The following VWDE variants were observed in gnomAD, a reference collection of about 807,000 sequenced individuals.
VWDE encodes von Willebrand factor D and EGF domain-containing protein.
In VWDE, 207 loss-of-function variants were observed where a neutral mutation model predicts 178.4. The observed-to-expected ratio is 1.16, with a 90% CI of 1.04 to 1.30. The LOEUF (loss-of-function observed/expected upper bound fraction) is 1.30, where lower values mean the gene tolerates loss of function less well. Ranked by LOEUF, VWDE falls within the 50% of genes most tolerant of loss-of-function variation. VWDE has a pLI of 0.00. For synonymous variants in VWDE, 738 were observed against 651.4 expected, an observed-to-expected ratio of 1.13 and a Z score of -2.02; for missense variants, 2,287 against 1,901.3, an observed-to-expected ratio of 1.20 and a Z score of -3.77.
At chr7:12,359,104 A>G (rs1782432504) in intron 16 of VWDE, among the ~76,000 whole-genome samples, 1 of 152,208 alleles carries the variant, frequency 6.6e-6, no homozygotes, top group African/African-American at 2.4e-5. Context: ...TATTTATGAA[A>G]GTGAGGAAGT....
intron 8 of VWDE, 50 bp downstream of exon 8, chr7:12,374,960 C>T (rs1443977519): frequency 6.7e-7 from 1 of 1,493,212 alleles, no homozygotes; most frequent in African/African-American, 1.4e-5. Context: ...ATAAAATACA[C>T]ATTTCTTCTT....
In VWDE at chr7:12,369,921, C is replaced by T. The variant is rs775899679; in HGVS notation, c.2385G>A (p.Trp795Ter). The T allele has an allele frequency of 6.4e-7, 1 of 1,551,396 alleles. No homozygotes were observed. The highest frequency in any genetic ancestry group is 8.7e-7 in the Non-Finnish European group (1 of 1,146,870). ...ACTCGGTGAGGCCAGAGGGAGTGGG[C>T]CAAGAGGGGAAAAACTCTTGCTGTA... ...EDVQQEFFPS[W>*]PTPSGLTEYS... Residue 795 changes from tryptophan to a stop codon, truncating the protein, a stop_gained, in exon 12 of 29, where the codon TGG becomes TGA. Transcript: ENST00000275358. LOFTEE classifies it high-confidence loss of function.
Position 12,370,051 on chromosome 7 carries a change from C to T in VWDE, c.2255G>A (p.Arg752Gln), listed in dbSNP as rs748316826. Residue 752 changes from arginine to glutamine, a missense_variant, in exon 12 of 29, where the codon CGG becomes CAG. Arg to Gln is a conservative substitution (Grantham distance 43). Transcript: ENST00000275358. ...AGGAGGAAACTCATGAAAGTTCTGC[C>T]GTTTCCATCTGTTTTGTCGATTGTA... Reference protein sequence around the residue: ...MRYNRQNRWKRQNFHEFPPLF... With the variant: ...MRYNRQNRWKQQNFHEFPPLF... The T allele has an allele frequency of 2.6e-5, 40 of 1,551,482 alleles. No individual in the cohort carries two copies. The East Asian group carries it at 6.8e-4, about 27-fold the overall frequency.
intron 7 of VWDE, 74 bp downstream of exon 7, chr7:12,377,702 G>T (rs1003774204): frequency 7.4e-5 from 74 of 1,000,338 alleles, no homozygotes; most frequent in Admixed American, 1.5e-4. Context: ...ACACTCCAGT[G>T]ACTTTTCCTA....
intron 6 of VWDE, among the ~76,000 whole-genome samples, chr7:12,378,224 GAAGA>G (rs1395534747): frequency 6.6e-6 from 1 of 152,146 alleles, no homozygotes; most frequent in Non-Finnish European, 1.5e-5. Context: ...GGAAAGCGAA[GAAGA>G]AAGAAATATT....
At position 12,337,272 on chromosome 7, in the gene VWDE, G is replaced by C. The variant is rs1383784257; in HGVS notation, c.4367C>G (p.Ala1456Gly). The C allele has an allele frequency of 1.3e-6, 2 of 1,551,604 alleles. No individual in the cohort carries two copies. Among genetic ancestry groups the C allele is most frequent in the Non-Finnish European group, 1.7e-6 (2 of 1,146,818 alleles). The part of the protein sequence containing the change: ...NGFFGEHCQN[A>G]FCHPPCKNGG... ...ATTCTTACAGGGAGGGTGACAGAAA[G>C]CTAAAAGAACACATGGCAGCAATCT... Residue 1456 changes from alanine to glycine, a missense_variant and splice_region_variant, in exon 25 of 29, where the codon GCT becomes GGT. Coordinates refer to ENST00000275358, the MANE Select transcript of VWDE (RefSeq NM_001135924.3).
In VWDE at chr7:12,344,183, T is replaced by TTATCAAATA. The variant is rs1781476247; in HGVS notation, c.4078+11_4078+12insTATTTGATA. On this transcript the variant is annotated intron_variant, in intron 21 of 28. Transcript: ENST00000275358. ...TTAGGCCTTATATTTGATTTTTAAT[T>TTATCAAATA]TGAATTATCACCTTCATCACAGGTT... 1 of 1,549,060 alleles carries TTATCAAATA rather than the reference T, an allele frequency of 6.5e-7. No individual in the cohort carries two copies. Among genetic ancestry groups the TTATCAAATA allele is most frequent in the East Asian group, 2.4e-5 (1 of 40,846 alleles).
At position 12,359,697 on chromosome 7, in the gene VWDE, T is replaced by G; in HGVS notation, c.3160-5A>C. ...ATCAATAATGCAAACATTTTCCTAA[T>G]GGAAAATTTTTAAAAAAGAAAACAT... On this transcript the variant is annotated splice_polypyrimidine_tract_variant and splice_region_variant and intron_variant, in intron 15 of 28. Transcript: ENST00000275358. 1 of 1,515,560 alleles carries G rather than the reference T, an allele frequency of 6.6e-7. No individual in the cohort carries two copies. 93.9% of individuals were successfully genotyped at this position (1,515,560 alleles called of 1,614,324 possible).
chr7:12,362,550 G>A (rs760812848), intron 13 of VWDE, among the ~76,000 whole-genome samples: 1 of 151,970 alleles, frequency 6.6e-6, no homozygotes, highest in Non-Finnish European at 1.5e-5. Context: ...GGATAACTAC[G>A]TAGGAAACCA....
intron 27 of VWDE, among the ~76,000 whole-genome samples, chr7:12,335,672 G>T (rs1780979619): frequency 6.6e-6 from 1 of 152,128 alleles, no homozygotes; most frequent in Non-Finnish European, 1.5e-5. Context: ...AGCCAGGATG[G>T]TCTCGATCTC....
intron 7 of VWDE, 108 bp downstream of exon 7, chr7:12,377,668 T>A: frequency 1.6e-6 from 1 of 637,008 alleles, no homozygotes; most frequent in Non-Finnish European, 2.3e-6. Flanking sequence ...GATGTCAACA[T>A]GCAACATGAT....
intron 28 of VWDE, 86 bp downstream of exon 28, chr7:12,333,379 A>G (rs1450255916): frequency 2.6e-6 from 2 of 783,288 alleles, no homozygotes; most frequent in Non-Finnish European, 3.9e-6. Flanking sequence ...ATAATAAAAA[A>G]ACATTAATTA....
At position 12,370,102 on chromosome 7, in the gene VWDE, C is replaced by A; in HGVS notation, c.2204G>T (p.Arg735Leu). The A allele has an allele frequency of 6.4e-7, 1 of 1,551,526 alleles. No individual in the cohort carries two copies. ...YLANKKYTQG[R>L]GSHSQEMRYN... ...CCTCATTTCTTGGCTGTGGCTTCCC[C>A]GGCCTTGTGTATATTTCTTATTGGC... The change falls in exon 12 of 29, where the codon CGG becomes CTG. Residue 735 changes from arginine to leucine, a missense_variant. Transcript: ENST00000275358.
chr7:12,403,401 A>G (rs1430611025), intron 1 of VWDE, among the ~76,000 whole-genome samples: 4 of 152,308 alleles, frequency 2.6e-5, no homozygotes, highest in South Asian at 2.1e-4. Context: ...ACAACCAAAA[A>G]CAGAACCAAG....
intron 28 of VWDE, among the ~76,000 whole-genome samples, chr7:12,331,943 A>T (rs1234271643): frequency 6.6e-6 from 1 of 152,058 alleles, no homozygotes. Flanking sequence ...TTGAAATTCT[A>T]GCAATGCAAT....
At chr7:12,353,804 C>T (rs1182216158) in intron 18 of VWDE, 1 of 152,364 alleles carries the variant, frequency 6.6e-6, no homozygotes, top group Non-Finnish European at 1.5e-5. Context: ...TGTGGTCTTG[C>T]TACTGCTTAC....
intron 27 of VWDE, among the ~76,000 whole-genome samples, chr7:12,335,809 T>G (rs1780989321): frequency 6.6e-6 from 1 of 152,190 alleles, no homozygotes; most frequent in South Asian, 2.1e-4. Flanking sequence ...CCATGATACA[T>G]ATGTATTTAT....
At chr7:12,396,193 CTG>C (rs1314080405) in intron 1 of VWDE, among the ~76,000 whole-genome samples, 1 of 151,974 alleles carries the variant, frequency 6.6e-6, no homozygotes, top group Non-Finnish European at 1.5e-5. Flanking sequence ...ATGAGGTAAC[CTG>C]TAATAGATTA....
At chr7:12,353,387 A>G (rs566129079) in intron 18 of VWDE, among the ~76,000 whole-genome samples, 8 of 146,398 alleles carry the variant, frequency 5.5e-5, no homozygotes, top group Non-Finnish European at 4.5e-5. Context: ...AAATATAGCC[A>G]CACTGGGAGT....
Sources: allele counts gnomAD v4.1 joint callset (sites outside exome capture counted in the v4.1 genomes callset), GRCh38; gene constraint gnomAD v4.1.1; transcripts MANE v1.5; gene names NCBI Gene and HGNC (gene_info 2026-07-23, HGNC 2026-07-21).